TDP1: variants seen among roughly 807,000 people sequenced by gnomAD.
TDP1 encodes the protein tyr-DNA phosphodiesterase 1.
Under a neutral mutation model 81.5 loss-of-function variants are expected in TDP1, and 64 were observed. The observed-to-expected ratio is 0.79, with a 90% CI of 0.64 to 0.97. TDP1 has a LOEUF of 0.97. Ranked by LOEUF, TDP1 falls within the 50% of genes least tolerant of loss-of-function variation. TDP1 has a pLI of 0.00. For missense variants in TDP1, 723 were observed against 743.8 expected, an observed-to-expected ratio of 0.97 and a Z score of 0.33; for synonymous variants, 256 against 264.3, an observed-to-expected ratio of 0.97 and a Z score of 0.30.
At chr14:90,008,771 T>C (rs1030589543) in intron 14 of TDP1, among the ~76,000 whole-genome samples, 1 of 152,242 alleles carries the variant, frequency 6.6e-6, no homozygotes, top group Non-Finnish European at 1.5e-5. Flanking sequence ...TCACCCAGGC[T>C]GGAGTGCAGT....
At chr14:89,969,533 T>TA (rs779382788) in intron 5 of TDP1, among the ~76,000 whole-genome samples, 338 of 152,370 alleles carry the variant, frequency 2.2e-3, no homozygotes, top group Non-Finnish European at 3.6e-3. Flanking sequence ...ATCTTTTTAA[T>TA]AACATGACTT....
chr14:89,965,854 G>A (rs1464391199), intron 3 of TDP1: 1 of 984,820 alleles, frequency 1.0e-6, no homozygotes, highest in South Asian at 4.7e-5. Flanking sequence ...AAAAGAATAT[G>A]TATCATTATT....
At chr14:89,975,355 C>T (rs538643215) in intron 6 of TDP1, 14 of 966,850 alleles carry the variant, frequency 1.4e-5, no homozygotes, top group African/African-American at 1.8e-5. Flanking sequence ...GGATTACAGG[C>T]GTGAGCCACC....
Position 89,981,297 on chromosome 14 carries a change from CTT to C in TDP1, c.884+669_884+670del, listed in dbSNP as rs34609473. 4.2e-3 allele frequency among the ~76,000 whole-genome samples: 643 copies of C among 152,304 alleles called. 19 individuals are homozygous for C. In the East Asian group the frequency reaches 0.085, roughly 20 times the overall value. ...AACTGAATACGAAAGCTTTTATGAA[CTT>C]TTTAAACTACTAACCCTCTGTACTT... On this transcript the variant is annotated intron_variant, in intron 8 of 16. Transcript: ENST00000335725.
At chr14:90,032,245 C>T (rs535090201) in intron 15 of TDP1, among the ~76,000 whole-genome samples, 20 of 152,256 alleles carry the variant, frequency 1.3e-4, no homozygotes, top group Admixed American at 2.0e-4. Context: ...CATGACCAGC[C>T]TCCGCTTGCT....
intron 14 of TDP1, 25 bp from the exon 15 acceptor site, chr14:90,019,291 C>A: frequency 6.6e-7 from 1 of 1,503,820 alleles, no homozygotes; most frequent in Non-Finnish European, 9.3e-7. Context: ...CTGAGTCAGC[C>A]CTATCTGTGT....
chr14:90,043,049 C>T (rs200148098), intron 16 of TDP1, 21 bp from the exon 17 acceptor site: 291 of 1,613,968 alleles, frequency 1.8e-4, no homozygotes, highest in Middle Eastern at 3.3e-4. Context: ...ATAAATATTA[C>T]GTAATGTGTT....
intron 16 of TDP1, among the ~76,000 whole-genome samples, chr14:90,038,837 C>G (rs1223273165): frequency 7.2e-6 from 1 of 139,286 alleles, no homozygotes; most frequent in Non-Finnish European, 1.6e-5. Context: ...GACTCCATCT[C>G]AAAAAAAAAA....
Position 89,980,569 on chromosome 14 carries a change from G to A in TDP1, c.821G>A (p.Gly274Asp), listed in dbSNP as rs752093573. ...ATGATGCTGCTGCTCTATGAAGAAG[G>A]CCTCCGGGTTGTCATACACACCTCC... is the stretch of plus-strand genomic sequence containing the variant. ...TKMMLLLYEE[G>D]LRVVIHTSNL... Residue 274 changes from glycine (G) to aspartate (D), a missense_variant, in exon 8 of 17, where the codon GGC (glycine) becomes GAC (aspartate). Gly to Asp is a moderately conservative substitution (Grantham distance 94). Coordinates refer to ENST00000335725, the MANE Select transcript of TDP1 (RefSeq NM_018319.4). 11 of 1,614,038 alleles carry A rather than the reference G, an allele frequency of 6.8e-6. No individual in the cohort carries two copies. The highest frequency in any genetic ancestry group is 8.5e-6 in the Non-Finnish European group (10 of 1,180,042).
intron 12 of TDP1, chr14:89,991,668 C>T: frequency 1.0e-6 from 1 of 984,482 alleles, no homozygotes; most frequent in Non-Finnish European, 1.2e-6. Context: ...TCATCACTTA[C>T]TTTTGCTTAT....
intron 2 of TDP1, among the ~76,000 whole-genome samples, chr14:89,960,361 G>A (rs1041597448): frequency 2.0e-5 from 3 of 152,016 alleles, no homozygotes; most frequent in African/African-American, 7.3e-5. Flanking sequence ...AAATCAATCT[G>A]AATCTCTTTC....
intron 2 of TDP1, chr14:89,962,846 G>A (rs1892487942): frequency 2.2e-6 from 2 of 912,522 alleles, no homozygotes; most frequent in African/African-American, 1.8e-5. Flanking sequence ...CACCACTCCA[G>A]CTGGGTGACA....
intron 15 of TDP1, among the ~76,000 whole-genome samples, chr14:90,029,421 A>G (rs1364052764): frequency 6.7e-6 from 1 of 148,324 alleles, no homozygotes; most frequent in Non-Finnish European, 1.5e-5. Context: ...CTGGTCTCGA[A>G]CTCCTGACCT....
At chr14:90,037,817 A>G (rs1405284446) in intron 16 of TDP1, among the ~76,000 whole-genome samples, 1 of 152,216 alleles carries the variant, frequency 6.6e-6, no homozygotes, top group Non-Finnish European at 1.5e-5. Flanking sequence ...AGTTTCCTCA[A>G]TAATGTCCTT....
In TDP1 at chr14:89,995,807, C is replaced by T. The variant is rs1312847489; in HGVS notation, c.1541+2324C>T. Among the ~76,000 whole-genome samples the T allele has an allele frequency of 1.3e-5, 2 of 152,296 alleles. 1 individual carries two copies. ...CTGTCTCTTATTACCAAGCTTAAAG[C>T]CTGAATGTCTCTTTCACTATTCCCT... On this transcript the variant is annotated intron_variant, in intron 14 of 16. Coordinates refer to ENST00000335725, the MANE Select transcript of TDP1 (RefSeq NM_018319.4).
chr14:90,029,194 ATTTTT>A (rs539198642), intron 15 of TDP1, among the ~76,000 whole-genome samples: 6 of 116,212 alleles, frequency 5.2e-5, no homozygotes, highest in African/African-American at 9.5e-5. Flanking sequence ...CCCTGCCATT[ATTTTT>A]TTTTTTTTTT....
At chr14:90,041,052 G>C (rs565449441) in intron 16 of TDP1, among the ~76,000 whole-genome samples, 18 of 152,214 alleles carry the variant, frequency 1.2e-4, no homozygotes, top group Non-Finnish European at 2.4e-4. Flanking sequence ...GTAAATGCTT[G>C]TATCAAAAAT....
Position 89,963,441 on chromosome 14 carries a change from G to A in TDP1, c.327G>A (p.Val109=). The A allele has an allele frequency of 1.2e-6, 2 of 1,613,122 alleles. No individual in the cohort carries two copies. The highest frequency in any genetic ancestry group is 1.7e-5 in the Admixed American group (1 of 59,832). The change falls in exon 3 of 17, where the codon GTG becomes GTA. Residue 109 remains valine (V), a synonymous_variant. Coordinates refer to ENST00000335725, the MANE Select transcript of TDP1 (RefSeq NM_018319.4). ...CGCAGAAGCAGGCTGAGAAAGTGGT[G>A]ATCAAAAAGGAGAAAGACATCTCTG... ...EMPQKQAEKV[V]IKKEKDISAP...
At chr14:89,964,765 T>TATA (rs1892740030) in intron 3 of TDP1, 2 of 366,196 alleles carry the variant, frequency 5.5e-6, no homozygotes, top group Admixed American at 3.9e-5. Flanking sequence ...TTTTGCTCTA[T>TATA]ATAATAAAAT....
Sources: allele counts gnomAD v4.1 joint callset (sites outside exome capture counted in the v4.1 genomes callset), GRCh38; gene constraint gnomAD v4.1.1; transcripts MANE v1.5; gene names NCBI Gene and HGNC (gene_info 2026-07-23, HGNC 2026-07-21).